The following ELF1 variants were observed in gnomAD, a reference collection of about 807,000 sequenced individuals.
The protein encoded by ELF1 is E74 like ETS transcription factor 1.
A neutral mutation model predicts 59.9 loss-of-function variants in ELF1; 24 were observed. That is an observed-to-expected ratio of 0.40 (90% CI 0.29 to 0.56). The LOEUF (loss-of-function observed/expected upper bound fraction) is 0.56, where lower values mean the gene tolerates loss of function less well. Among genes scored for constraint, ELF1 ranks in the 20% least tolerant of loss-of-function variants. The pLI, the probability that ELF1 is intolerant of heterozygous loss-of-function variation, is 0.44. For missense variants in ELF1, 627 were observed against 742.2 expected, an observed-to-expected ratio of 0.84 and a Z score of 1.80; for synonymous variants, 248 against 266.2, an observed-to-expected ratio of 0.93 and a Z score of 0.67.
chr13:41,043,181 T>C (rs1876696307), intron 1 of ELF1, among the ~76,000 whole-genome samples: 1 of 152,202 alleles, frequency 6.6e-6, no homozygotes, highest in African/African-American at 2.4e-5. Context: ...TTTGTTTGAG[T>C]TCTTTGTAGA....
chr13:40,954,730 G>A (rs1450539713), intron 3 of ELF1, among the ~76,000 whole-genome samples: 8 of 151,604 alleles, frequency 5.3e-5, no homozygotes, highest in Non-Finnish European at 7.4e-5. Context: ...GATGGCAGAC[G>A]GAGTCGCGTT....
intron 8 of ELF1, among the ~76,000 whole-genome samples, chr13:40,936,131 CACAA>C (rs1869754298): frequency 6.6e-6 from 1 of 152,134 alleles, no homozygotes; most frequent in Non-Finnish European, 1.5e-5. Context: ...AACACTGATG[CACAA>C]ACAGGTTGCA....
chr13:41,018,097 G>C (rs1875523503), intron 1 of ELF1, among the ~76,000 whole-genome samples: 1 of 152,146 alleles, frequency 6.6e-6, no homozygotes, highest in African/African-American at 2.4e-5. Context: ...AATTCTCAAA[G>C]AACTAGCTAA....
intron 1 of ELF1, among the ~76,000 whole-genome samples, chr13:40,985,623 C>T (rs1480924547): frequency 6.6e-6 from 1 of 152,142 alleles, no homozygotes; most frequent in Admixed American, 6.5e-5. Flanking sequence ...AGTCACTAAA[C>T]TATAAGACAA....
intron 8 of ELF1, among the ~76,000 whole-genome samples, chr13:40,934,702 G>A (rs994508666): frequency 2.6e-5 from 4 of 152,174 alleles, no homozygotes; most frequent in Admixed American, 6.5e-5. Flanking sequence ...TTATAGGCAT[G>A]AGCCACTGTG....
At chr13:41,054,563 A>G (rs965848176) in intron 1 of ELF1, among the ~76,000 whole-genome samples, 5 of 152,240 alleles carry the variant, frequency 3.3e-5, no homozygotes, top group Admixed American at 2.6e-4. Flanking sequence ...TCTGTGCTTC[A>G]TAACTTCTCT....
chr13:40,968,870 C>T (rs1216981282), intron 2 of ELF1, among the ~76,000 whole-genome samples: 2 of 152,006 alleles, frequency 1.3e-5, no homozygotes, highest in Non-Finnish European at 1.5e-5. Flanking sequence ...CAGGCATGTG[C>T]CACCACACCC....
At chr13:41,028,965 AAACTC>A (rs1876060092) in intron 1 of ELF1, among the ~76,000 whole-genome samples, 2 of 151,762 alleles carry the variant, frequency 1.3e-5, no homozygotes, top group Admixed American at 6.6e-5. Flanking sequence ...GGCTGGTCTC[AAACTC>A]CTGACCTCGT....
chr13:40,952,878 T>C (rs1345170509), intron 3 of ELF1, among the ~76,000 whole-genome samples: 1 of 152,104 alleles, frequency 6.6e-6, no homozygotes, highest in East Asian at 1.9e-4. Context: ...TTTGAAGGAA[T>C]CTAAAATACC....
In ELF1 at chr13:40,955,934, G is replaced by A. The variant is rs1406310661; in HGVS notation, c.253+2902C>T. On this transcript the variant is annotated intron_variant, in intron 3 of 8. Coordinates refer to ENST00000239882, the MANE Select transcript of ELF1 (RefSeq NM_172373.4). Reference sequence around the variant, plus strand: ...AGCCCCCCGCCCGGCCAGCCGCCCCGTCCGGGAGGGAGGCGGGGGGGTCAG... The same window carrying A: ...AGCCCCCCGCCCGGCCAGCCGCCCCATCCGGGAGGGAGGCGGGGGGGTCAG... 1.0e-3 allele frequency among the ~76,000 whole-genome samples: 123 copies of A among 119,052 alleles called. 1 individual carries two copies. The highest frequency in any genetic ancestry group is 3.7e-3 in the African/African-American group (110 of 29,488). The allele number at this position is 119,052 out of a possible 152,430, so 78.1% of individuals were successfully genotyped here.
intron 2 of ELF1, among the ~76,000 whole-genome samples, chr13:40,980,342 C>G (rs1348675718): frequency 1.3e-5 from 2 of 152,028 alleles, no homozygotes; most frequent in African/African-American, 4.8e-5. Flanking sequence ...AACACCTGCA[C>G]AAAATATAGA....
Position 40,975,192 on chromosome 13 carries a change from A to G in ELF1, c.72+6791T>C, listed in dbSNP as rs188974020. ...CTGCCCTTCTCATCACTGGCGCTGA[A>G]TAAGTTACACATTAAACACTATCAA... On this transcript the variant is annotated intron_variant, in intron 2 of 8. Transcript: ENST00000239882. Among the ~76,000 whole-genome samples, 502 of 152,328 alleles carry G rather than the reference A, an allele frequency of 3.3e-3. 3 individuals carry two copies. The highest frequency in any genetic ancestry group is 0.011 in the African/African-American group (475 of 41,562).
At chr13:41,046,338 T>G (rs551219983) in intron 1 of ELF1, among the ~76,000 whole-genome samples, 29 of 152,310 alleles carry the variant, frequency 1.9e-4, no homozygotes, top group Admixed American at 5.9e-4. Context: ...CTATGTTAGT[T>G]GGTTATTTTG....
At chr13:40,997,871 C>T (rs953743079) in intron 1 of ELF1, among the ~76,000 whole-genome samples, 1 of 152,098 alleles carries the variant, frequency 6.6e-6, no homozygotes, top group African/African-American at 2.4e-5. Context: ...AAGAAGCAGG[C>T]CAGGCGCAGT....
At chr13:40,962,438 T>C (rs568653149) in intron 2 of ELF1, among the ~76,000 whole-genome samples, 4 of 151,806 alleles carry the variant, frequency 2.6e-5, no homozygotes, top group Admixed American at 2.6e-4. Context: ...ATCCCAGCAC[T>C]TTGGGAGGGC....
chr13:41,025,535 C>T (rs1422244834), intron 1 of ELF1, among the ~76,000 whole-genome samples: 2 of 152,236 alleles, frequency 1.3e-5, no homozygotes, highest in Admixed American at 1.3e-4. Flanking sequence ...CAGCTTAAAA[C>T]ACGAATCCAA....
At chr13:41,022,411 G>A (rs1736659903), upstream of ELF1, among the ~76,000 whole-genome samples, 1 of 152,168 alleles carries the variant, frequency 6.6e-6, no homozygotes, top group Admixed American at 6.5e-5. Flanking sequence ...AATGAGGGGA[G>A]GGGGTTGACT....
At chr13:41,047,890 G>A (rs1042575880) in intron 1 of ELF1, among the ~76,000 whole-genome samples, 2 of 152,218 alleles carry the variant, frequency 1.3e-5, no homozygotes, top group African/African-American at 4.8e-5. Context: ...AGTCTACAGA[G>A]GCAGGCAGGC....
At chr13:40,982,339 A>G (rs540302016) in intron 1 of ELF1, 57 bp from the exon 2 acceptor site, 8 of 1,137,072 alleles carry the variant, frequency 7.0e-6, no homozygotes, top group Non-Finnish European at 7.6e-6. Flanking sequence ...TTAGGATATA[A>G]TAACTGATAC....
Sources: allele counts gnomAD v4.1 joint callset (sites outside exome capture counted in the v4.1 genomes callset), GRCh38; gene constraint gnomAD v4.1.1; transcripts MANE v1.5; gene names NCBI Gene and HGNC (gene_info 2026-07-23, HGNC 2026-07-21).